Variants in SLCO2B1 observed in about 807,000 individuals in gnomAD.
SLCO2B1 encodes the protein OATP-RP2.
A neutral mutation model predicts 67.3 loss-of-function variants in SLCO2B1; 41 were observed. The ratio of observed to expected loss-of-function variants is 0.61; its 90% CI spans 0.47 to 0.79. The LOEUF is 0.79. SLCO2B1 is among the 30% of genes least tolerant of loss of function. The probability of loss-of-function intolerance (pLI) is 0.00; values close to 1 mark genes in which losing one functional copy is unlikely to be tolerated. For synonymous variants in SLCO2B1, 379 were observed against 381.4 expected, an observed-to-expected ratio of 0.99 and a Z score of 0.07; for missense variants, 837 against 920.1, an observed-to-expected ratio of 0.91 and a Z score of 1.17.
At chr11:75,165,755 C>T in intron 3 of SLCO2B1, 32 bp from the exon 4 acceptor site, 2 of 1,611,132 alleles carry the variant, frequency 1.2e-6, no homozygotes, top group African/African-American at 1.3e-5. Context: ...GGGAACTGTT[C>T]CACCTTAATG....
intron 3 of SLCO2B1, among the ~76,000 whole-genome samples, chr11:75,164,937 G>A (rs1343152176): frequency 2.0e-5 from 3 of 152,052 alleles, no homozygotes; most frequent in Non-Finnish European, 4.4e-5. Flanking sequence ...CCTTTCCAGG[G>A]TCAGCCATCC....
intron 2 of SLCO2B1, among the ~76,000 whole-genome samples, chr11:75,163,240 G>C (rs916281809): frequency 6.6e-6 from 1 of 152,204 alleles, no homozygotes; most frequent in African/African-American, 2.4e-5. Flanking sequence ...AACTCGGGCT[G>C]TTGTCCTCAT....
chr11:75,204,019 G>T, intron 13 of SLCO2B1: 1 of 165,278 alleles, frequency 6.1e-6, no homozygotes, highest in Non-Finnish European at 1.3e-5. Flanking sequence ...ACTGTCCACA[G>T]GGGGCTTCCT....
At chr11:75,157,986 G>A (rs957148241) in intron 1 of SLCO2B1, among the ~76,000 whole-genome samples, 1 of 151,798 alleles carries the variant, frequency 6.6e-6, no homozygotes, top group African/African-American at 2.4e-5. Flanking sequence ...ATGACACAGG[G>A]GCCTTCAGAA....
chr11:75,198,841 G>A (rs914780575), intron 10 of SLCO2B1, among the ~76,000 whole-genome samples: 3 of 152,188 alleles, frequency 2.0e-5, no homozygotes, highest in Non-Finnish European at 4.4e-5. Context: ...GCAGGTGGGC[G>A]CCTGAACAGG....
intron 1 of SLCO2B1, among the ~76,000 whole-genome samples, chr11:75,155,125 C>T (rs183229976): frequency 3.3e-5 from 5 of 152,272 alleles, no homozygotes; most frequent in Admixed American, 1.3e-4. Flanking sequence ...CTGGCCCCTC[C>T]GCAAACCTGC....
At chr11:75,196,802 C>A in intron 10 of SLCO2B1, 123 bp downstream of exon 10, 1 of 902,466 alleles carries the variant, frequency 1.1e-6, no homozygotes, top group Non-Finnish European at 1.7e-6. Flanking sequence ...CTCTGTCTCT[C>A]TCTGTTGGCA....
rs1949939237 is a variant in SLCO2B1 at position 75,169,930 on chromosome 11, CTG to C, written c.781+168_781+169del. 8.3e-6 allele frequency: 5 copies of C among 602,664 alleles called. No homozygotes were observed. In the South Asian group the frequency reaches 9.8e-5, roughly 12 times the overall value. 37.3% of individuals were successfully genotyped at this position (602,664 alleles called of 1,614,324 possible). A position where few individuals can be genotyped will look rare whatever the true frequency, so the allele number is the denominator to read the frequency against. ...AGCTTTCTCATCTGTGAGATAATCT[CTG>C]TCCTGTCTGTCTCCTAAAGCTGTGA... On this transcript the variant is annotated intron_variant, in intron 6 of 13. Transcript: ENST00000289575.
intron 7 of SLCO2B1, among the ~76,000 whole-genome samples, chr11:75,181,004 A>G (rs1950085220): frequency 6.6e-6 from 1 of 152,194 alleles, no homozygotes; most frequent in Non-Finnish European, 1.5e-5. Context: ...CCATTGAGCC[A>G]TTTATTTGGT....
In SLCO2B1 at chr11:75,204,609, G is replaced by A. The variant is rs775882784; in HGVS notation, c.*29G>A. 2 of 1,579,846 alleles carry A rather than the reference G, an allele frequency of 1.3e-6. No homozygotes were observed. The highest frequency in any genetic ancestry group is 2.7e-5 in the African/African-American group (2 of 73,974). On this transcript the variant is annotated 3_prime_UTR_variant, in exon 14 of 14. Coordinates refer to ENST00000289575, the MANE Select transcript of SLCO2B1 (RefSeq NM_007256.5). ...GTCTTGGGGCCCCACCTGGCCAAGA[G>A]TAGCAGCCACAGCAGTACCTCCTCT...
chr11:75,159,616 C>A (rs1468953460), intron 1 of SLCO2B1, among the ~76,000 whole-genome samples: 1 of 152,164 alleles, frequency 6.6e-6, no homozygotes, highest in African/African-American at 2.4e-5. Context: ...AGACCCCAGC[C>A]CACAGGAAAG....
chr11:75,157,262 C>T (rs1461970251), intron 1 of SLCO2B1: 1 of 152,140 alleles, frequency 6.6e-6, no homozygotes, highest in Non-Finnish European at 1.5e-5. Flanking sequence ...GACGGACAGT[C>T]TAGGAAGAGG....
chr11:75,158,616 T>G (rs532577703), intron 1 of SLCO2B1, among the ~76,000 whole-genome samples: 1 of 152,340 alleles, frequency 6.6e-6, no homozygotes, highest in South Asian at 2.1e-4. Context: ...GCTTCTACTG[T>G]TTTCTCAAAT....
Position 75,151,312 on chromosome 11 carries a change from T to C in SLCO2B1, c.-70T>C. On this transcript the variant is annotated 5_prime_UTR_variant, in exon 1 of 14. Transcript: ENST00000289575. Reference sequence around the variant, plus strand: ...CCAGGAGCCCCTGAGAAGATTTGCTTCCTCTCCCCTGCTAAGCTCCAGGTC... The same window carrying C: ...CCAGGAGCCCCTGAGAAGATTTGCTCCCTCTCCCCTGCTAAGCTCCAGGTC... The C allele has an allele frequency of 6.7e-7, 1 of 1,499,972 alleles. No homozygotes were observed. The highest frequency in any genetic ancestry group is 9.2e-7 in the Non-Finnish European group (1 of 1,086,802). The allele number at this position is 1,499,972 out of a possible 1,614,324, so 92.9% of individuals were successfully genotyped here. A position where few individuals can be genotyped will look rare whatever the true frequency, so the allele number is the denominator to read the frequency against.
At chr11:75,174,927 TGTAA>T (rs1950005567) in intron 7 of SLCO2B1, among the ~76,000 whole-genome samples, 1 of 152,132 alleles carries the variant, frequency 6.6e-6, no homozygotes, top group Non-Finnish European at 1.5e-5. Flanking sequence ...TGTGCTGCTG[TGTAA>T]GATGCTGAGG....
At chr11:75,159,890 G>T in intron 1 of SLCO2B1, 1 of 985,202 alleles carries the variant, frequency 1.0e-6, no homozygotes, top group South Asian at 4.7e-5. Context: ...TGGAGTGGGA[G>T]ATCACCTGAG....
chr11:75,180,684 AC>A (rs1355455159), intron 7 of SLCO2B1, among the ~76,000 whole-genome samples: 2 of 152,240 alleles, frequency 1.3e-5, no homozygotes, highest in Non-Finnish European at 2.9e-5. Context: ...AAGGTACAGT[AC>A]TACAACAGTA....
At chr11:75,203,037 C>A (rs754547452) in intron 12 of SLCO2B1, 72 bp downstream of exon 12, 4 of 1,375,140 alleles carry the variant, frequency 2.9e-6, no homozygotes, top group Non-Finnish European at 2.1e-6. Context: ...AGGCCTGGGG[C>A]ACAGGCATGA....
At chr11:75,185,501 CT>C (rs11381669) in intron 7 of SLCO2B1, among the ~76,000 whole-genome samples, 36 of 106,178 alleles carry the variant, frequency 3.4e-4, no homozygotes, top group African/African-American at 1.2e-3. Context: ...GTATAAGTCT[CT>C]TTTTTTTTTT....
Sources: allele counts gnomAD v4.1 joint callset (sites outside exome capture counted in the v4.1 genomes callset), GRCh38; gene constraint gnomAD v4.1.1; transcripts MANE v1.5; gene names NCBI Gene and HGNC (gene_info 2026-07-23, HGNC 2026-07-21).